TNR: variants seen among roughly 807,000 people sequenced by gnomAD.
TNR encodes tenascin-R.
Under a neutral mutation model 150.4 loss-of-function variants are expected in TNR, and 45 were observed. That is an observed-to-expected ratio of 0.30 (90% CI 0.24 to 0.38). TNR has a LOEUF of 0.38. Ranked by LOEUF, TNR falls within the 10% of genes least tolerant of loss-of-function variation. TNR has a pLI of 1.00. For synonymous variants in TNR, 687 were observed against 678.4 expected (o/e 1.01, Z -0.20); for missense variants, 1,544 against 1,759.1 (o/e 0.88, Z 2.19).
intron 2 of TNR, among the ~76,000 whole-genome samples, chr1:175,451,303 G>A (rs1240927880): frequency 6.6e-6 from 1 of 151,386 alleles, no homozygotes; most frequent in Non-Finnish European, 1.5e-5. Context: ...CATGTGCCAT[G>A]TTGGTGTGCT....
At chr1:175,626,532 C>A (rs1664162828) in intron 1 of TNR, among the ~76,000 whole-genome samples, 1 of 152,180 alleles carries the variant, frequency 6.6e-6, no homozygotes, top group South Asian at 2.1e-4. Context: ...CAATCCCTCC[C>A]TGTCCCTAAT....
Position 175,475,613 on chromosome 1 carries a change from C to T in TNR, c.-64+52656G>A, listed in dbSNP as rs1469671801. 2.0e-5 allele frequency among the ~76,000 whole-genome samples: 3 copies of T among 152,246 alleles called. No homozygotes were observed. The East Asian group carries it at 5.8e-4, about 29-fold the overall frequency. ...GGGATGGTGCCACTGTGCCTTTGCA[C>T]CTGCTGGACCCTGTATCCTGAAATA... On this transcript the variant is annotated intron_variant, in intron 2 of 22. Transcript: ENST00000367674.
At chr1:175,358,397 A>G (rs568203771) in intron 15 of TNR, among the ~76,000 whole-genome samples, 1 of 152,378 alleles carries the variant, frequency 6.6e-6, no homozygotes, top group African/African-American at 2.4e-5. Context: ...GACATAAAGT[A>G]GTTTCGATAA....
intron 1 of TNR, among the ~76,000 whole-genome samples, chr1:175,727,062 G>A (rs902313562): frequency 2.0e-5 from 3 of 152,304 alleles, no homozygotes; most frequent in East Asian, 1.9e-4. Context: ...TCCAGAGAAA[G>A]AGGCCAGGCT....
At position 175,349,238 on chromosome 1, in the gene TNR, C is replaced by T. The variant is rs115382765; in HGVS notation, c.3382+5153G>A. ...ATGACCCAGCAATTCCTCTTCTGGG[C>T]ATATATTCCAGAAGGCATTACCTTA... is the stretch of plus-strand genomic sequence containing the variant. On this transcript the variant is annotated intron_variant, in intron 18 of 22. Transcript: ENST00000367674. Among the ~76,000 whole-genome samples the T allele has an allele frequency of 4.1e-3, 631 of 152,228 alleles. 3 individuals are homozygous for T. The highest frequency in any genetic ancestry group is 0.015 in the African/African-American group (619 of 41,530).
intron 1 of TNR, among the ~76,000 whole-genome samples, chr1:175,714,051 G>T (rs906546629): frequency 2.0e-5 from 3 of 151,392 alleles, no homozygotes; most frequent in Non-Finnish European, 2.9e-5. Context: ...TGTTGATTCT[G>T]TTCTCTCTCT....
chr1:175,494,378 C>T (rs1170316549), intron 2 of TNR, among the ~76,000 whole-genome samples: 1 of 152,244 alleles, frequency 6.6e-6, no homozygotes, highest in African/African-American at 2.4e-5. Context: ...TGGGCAAAGC[C>T]CGACAGTGAC....
chr1:175,605,786 T>A (rs1254084955), intron 1 of TNR, among the ~76,000 whole-genome samples: 1 of 152,232 alleles, frequency 6.6e-6, no homozygotes, highest in East Asian at 1.9e-4. Context: ...GGTCATCTCA[T>A]CTGCCCAGCC....
chr1:175,735,781 A>G (rs1296683470), intron 1 of TNR, among the ~76,000 whole-genome samples: 1 of 152,240 alleles, frequency 6.6e-6, no homozygotes, highest in Non-Finnish European at 1.5e-5. Flanking sequence ...GGGAAGGTAG[A>G]AAAAAGGAAA....
In TNR at chr1:175,403,530, C is replaced by T; in HGVS notation, c.586G>A (p.Gly196Ser). 6.2e-7 allele frequency: 1 copy of T among 1,614,230 alleles called. No individual in the cohort carries two copies. Among genetic ancestry groups the T allele is most frequent in the Non-Finnish European group, 8.5e-7 (1 of 1,180,050 alleles). The change falls in exon 4 of 23, where the codon GGC becomes AGC. Residue 196 changes from glycine (G) to serine (S), a missense_variant. Gly to Ser is a moderately conservative substitution (Grantham distance 56). This residue lies in a region of TNR where 1,254 missense variants were observed against 1,329.4 expected (regional missense o/e 0.94). Coordinates refer to ENST00000367674, the MANE Select transcript of TNR (RefSeq NM_003285.3). ...CGCICNEGWFGKNCSEPYCPL... is the reference protein window; with the variant it reads ...CGCICNEGWFSKNCSEPYCPL... ...CAGTAGGGCTCCGAGCAATTCTTGC[C>T]AAACCAGCCTTCGTTGCAGATGCAG...
At chr1:175,674,687 C>A (rs965763911) in intron 1 of TNR, among the ~76,000 whole-genome samples, 3 of 152,152 alleles carry the variant, frequency 2.0e-5, no homozygotes, top group African/African-American at 7.2e-5. Flanking sequence ...CTCCTCCAGG[C>A]TCAAACAGCA....
intron 1 of TNR, among the ~76,000 whole-genome samples, chr1:175,550,909 G>A (rs943077006): frequency 6.6e-6 from 1 of 152,114 alleles, no homozygotes; most frequent in Non-Finnish European, 1.5e-5. Context: ...AGGGAAAAAT[G>A]TTTAAATTGA....
chr1:175,657,965 G>T (rs1423530291), intron 1 of TNR, among the ~76,000 whole-genome samples: 1 of 149,438 alleles, frequency 6.7e-6, no homozygotes, highest in Non-Finnish European at 1.5e-5. Flanking sequence ...GTGAAAGGGG[G>T]AATGGAGAGA....
chr1:175,410,816 G>A (rs1398328758), intron 2 of TNR, among the ~76,000 whole-genome samples: 1 of 152,190 alleles, frequency 6.6e-6, no homozygotes, highest in Non-Finnish European at 1.5e-5. Context: ...GTTTCCTGCT[G>A]ACTCACAGTG....
At chr1:175,441,653 TG>T (rs1402258624) in intron 2 of TNR, among the ~76,000 whole-genome samples, 1 of 151,954 alleles carries the variant, frequency 6.6e-6, no homozygotes, top group African/African-American at 2.4e-5. Context: ...GTGTTGTGGG[TG>T]GGGGGTCTAG....
At chr1:175,326,898 C>T (rs1649429234) in intron 21 of TNR, among the ~76,000 whole-genome samples, 1 of 151,980 alleles carries the variant, frequency 6.6e-6, no homozygotes, top group Non-Finnish European at 1.5e-5. Context: ...GATCTCCTGA[C>T]CTCATGATCT....
intron 1 of TNR, among the ~76,000 whole-genome samples, chr1:175,647,451 C>G (rs1245196441): frequency 7.1e-6 from 1 of 140,462 alleles, no homozygotes; most frequent in African/African-American, 3.0e-5. Flanking sequence ...AAAAAAAAAC[C>G]TCATTGTCTC....
At chr1:175,679,959 G>A (rs766279270) in intron 1 of TNR, among the ~76,000 whole-genome samples, 8 of 152,122 alleles carry the variant, frequency 5.3e-5, no homozygotes, top group Non-Finnish European at 1.0e-4. Context: ...TCTGCTGAGG[G>A]CCTCGAGGGA....
chr1:175,620,033 T>A (rs1306035695), intron 1 of TNR, among the ~76,000 whole-genome samples: 2 of 152,156 alleles, frequency 1.3e-5, no homozygotes, highest in Admixed American at 1.3e-4. Flanking sequence ...AAATGGAAGG[T>A]AAAGTGCTGT....
Sources: gnomAD v4.1 joint callset for allele counts (sites outside exome capture counted in the v4.1 genomes callset) on GRCh38, gnomAD v4.1.1 for gene constraint, gnomAD v4.1.1 regional missense constraint, MANE v1.5 for transcripts, NCBI Gene and HGNC (gene_info 2026-07-23, HGNC 2026-07-21) for gene names.